Variants in SEPTIN5 observed in about 807,000 individuals in gnomAD.
SEPTIN5 encodes the protein septin 5.
A neutral mutation model predicts 51.2 loss-of-function variants in SEPTIN5; 16 were observed. The ratio of observed to expected loss-of-function variants is 0.31; its 90% CI spans 0.21 to 0.47. The LOEUF (loss-of-function observed/expected upper bound fraction) is 0.47, where lower values mean the gene tolerates loss of function less well. Ranked by LOEUF, SEPTIN5 falls within the 20% of genes least tolerant of loss-of-function variation. The pLI is 0.99. For missense variants in SEPTIN5, 376 were observed against 500.3 expected (o/e 0.75, Z 2.37); for synonymous variants, 208 against 191.2 (o/e 1.09, Z -0.72).
intron 8 of SEPTIN5, 64 bp downstream of exon 8, chr22:19,720,933 T>C (rs1364132305): frequency 7.0e-7 from 1 of 1,423,250 alleles, no homozygotes; most frequent in Non-Finnish European, 9.9e-7. Context: ...CAGAGGGCTT[T>C]GTCTCCTTCA....
Position 19,722,852 on chromosome 22 carries a change from G to A in SEPTIN5, c.*368G>A, listed in dbSNP as rs1218343959. The A allele has an allele frequency of 2.2e-6, 1 of 461,054 alleles. No individual in the cohort carries two copies. The highest frequency in any genetic ancestry group is 4.0e-6 in the Non-Finnish European group (1 of 248,498). 28.6% of individuals were successfully genotyped at this position (461,054 alleles called of 1,614,324 possible). On this transcript the variant is annotated 3_prime_UTR_variant, in exon 12 of 12. Transcript: ENST00000455784. ...GATCCTGGGTCTGTTCCCTGCCCCAGTGCTGCAGAACGGACTTGGGAGCCC... is the reference window on the plus strand; with the variant it reads ...GATCCTGGGTCTGTTCCCTGCCCCAATGCTGCAGAACGGACTTGGGAGCCC...
Position 19,717,660 on chromosome 22 carries a change from T to C in SEPTIN5, c.55-1942T>C. The C allele has an allele frequency of 7.0e-6, 2 of 285,538 alleles. 1 individual carries two copies. The highest frequency in any genetic ancestry group is 9.8e-5 in the Admixed American group (2 of 20,336). 17.7% of individuals were successfully genotyped at this position (285,538 alleles called of 1,614,324 possible). ...CCTGCACCCTTCCTTTCCCTTCCCT[T>C]CCCTTCTGTCCACCCTAAGCCTCCT... is the stretch of plus-strand genomic sequence containing the variant. On this transcript the variant is annotated intron_variant, in intron 2 of 11. Transcript: ENST00000455784.
Position 19,723,048 on chromosome 22 carries a change from C to A in SEPTIN5, c.*564C>A. Reference sequence around the variant, plus strand: ...GAGGCTGCAAGGAGCGGGGTCGTGACCGCTTACACCCCTTCTCCACAGCCC... The same window carrying A: ...GAGGCTGCAAGGAGCGGGGTCGTGAACGCTTACACCCCTTCTCCACAGCCC... On this transcript the variant is annotated 3_prime_UTR_variant, in exon 12 of 12. Coordinates refer to ENST00000455784, the MANE Select transcript of SEPTIN5 (RefSeq NM_002688.6). 2.1e-6 allele frequency: 1 copy of A among 484,646 alleles called. No individual in the cohort carries two copies. The highest frequency in any genetic ancestry group is 3.9e-6 in the Non-Finnish European group (1 of 253,310). 30.0% of individuals were successfully genotyped at this position (484,646 alleles called of 1,614,324 possible). A position where few individuals can be genotyped will look rare whatever the true frequency, so the allele number is the denominator to read the frequency against.
At chr22:19,716,789 G>A (rs558513190) in intron 2 of SEPTIN5, among the ~76,000 whole-genome samples, 4 of 152,324 alleles carry the variant, frequency 2.6e-5, no homozygotes, top group South Asian at 2.1e-4. Context: ...ACACCTCCTA[G>A]CCTGAGGCCT....
intron 2 of SEPTIN5, chr22:19,718,947 T>C (rs1276435819): frequency 1.0e-6 from 1 of 1,002,258 alleles, no homozygotes; most frequent in Admixed American, 4.3e-5. Context: ...CGCAGCGGCC[T>C]CGCAGGTCCG....
At chr22:19,719,979 C>A in intron 4 of SEPTIN5, 87 bp downstream of exon 4, 1 of 1,601,598 alleles carries the variant, frequency 6.2e-7, no homozygotes, top group Non-Finnish European at 8.5e-7. Context: ...GTCCAGCTCC[C>A]ACTGTTCTGT....
At chr22:19,719,428 C>A (rs1312746273) in intron 2 of SEPTIN5, 174 bp from the exon 3 acceptor site, 2 of 591,744 alleles carry the variant, frequency 3.4e-6, no homozygotes, top group Admixed American at 6.0e-5. Context: ...ACCTCGCCTG[C>A]CTTCTTATCT....
At chr22:19,717,954 T>A (rs1239207041) in intron 2 of SEPTIN5, 1 of 154,020 alleles carries the variant, frequency 6.5e-6, no homozygotes, top group East Asian at 2.0e-4. Context: ...ACGGGGGAGG[T>A]CAGCCCCAAG....
chr22:19,718,603 C>A (rs755443835), intron 2 of SEPTIN5: 6 of 1,290,830 alleles, frequency 4.6e-6, no homozygotes, highest in Non-Finnish European at 5.9e-6. Flanking sequence ...GGCCTCACTT[C>A]CCGCGTCCGC....
chr22:19,718,488 G>A, intron 2 of SEPTIN5: 3 of 1,205,652 alleles, frequency 2.5e-6, no homozygotes, highest in Non-Finnish European at 3.1e-6. Context: ...GGCCTGCCCG[G>A]ACTGCGACGC....
intron 2 of SEPTIN5, chr22:19,717,454 G>A (rs1273078651): frequency 4.7e-6 from 2 of 423,980 alleles, no homozygotes; most frequent in Non-Finnish European, 9.7e-6. Flanking sequence ...TGGTGAGGAT[G>A]CTCAGAGGGC....
chr22:19,719,944 G>T, intron 4 of SEPTIN5, 52 bp downstream of exon 4: 1 of 1,605,662 alleles, frequency 6.2e-7, no homozygotes. Flanking sequence ...CCTTCCATGG[G>T]ACCTCTCCAA....
At chr22:19,718,842 C>G (rs1268971529) in intron 2 of SEPTIN5, 1 of 1,235,072 alleles carries the variant, frequency 8.1e-7, no homozygotes, top group Admixed American at 4.1e-5. Flanking sequence ...GAGGGCGGAA[C>G]GTGGGTCTGT....
At position 19,723,028 on chromosome 22, in the gene SEPTIN5, T is replaced by G. The variant is rs1936081711; in HGVS notation, c.*544T>G. 1 of 462,822 alleles carries G rather than the reference T, an allele frequency of 2.2e-6. No homozygotes were observed. Among genetic ancestry groups the G allele is most frequent in the Non-Finnish European group, 4.1e-6 (1 of 243,266 alleles). The allele number at this position is 462,822 out of a possible 1,614,324, so 28.7% of individuals were successfully genotyped here. On this transcript the variant is annotated 3_prime_UTR_variant, in exon 12 of 12. Transcript: ENST00000455784. ...CTCCAGACATAAGGAGGCCAGAGGCTGCAAGGAGCGGGGTCGTGACCGCTT... is the reference window on the plus strand; with the variant it reads ...CTCCAGACATAAGGAGGCCAGAGGCGGCAAGGAGCGGGGTCGTGACCGCTT...
At position 19,720,336 on chromosome 22, in the gene SEPTIN5, G is replaced by A. The variant is rs570048514; in HGVS notation, c.379G>A (p.Asp127Asn). 9.3e-6 allele frequency: 15 copies of A among 1,613,828 alleles called. No individual in the cohort carries two copies. Among genetic ancestry groups the A allele is most frequent in the Admixed American group, 8.3e-5 (5 of 60,010 alleles). The change falls in exon 6 of 12, where the codon GAC becomes AAC. Residue 127 changes from aspartate (D) to asparagine (N), a missense_variant. Coordinates refer to ENST00000455784, the MANE Select transcript of SEPTIN5 (RefSeq NM_002688.6). ...TGCCCACAGCTGGAAGCCCATCACC[G>A]ACTATGTGGACCAGCAGTTTGAGCA... ...NNTECWKPIT[D>N]YVDQQFEQYF...
intron 2 of SEPTIN5, among the ~76,000 whole-genome samples, chr22:19,715,832 G>A (rs537169109): frequency 2.0e-4 from 31 of 152,324 alleles, no homozygotes; most frequent in Middle Eastern, 3.4e-3. Flanking sequence ...CTCTGGGAGG[G>A]GCCCCTTGGG....
chr22:19,721,829 C>T lies in SEPTIN5; in HGVS notation c.822C>T (p.Asn274=). ...LYPWGIVEVE[N]QAHCDFVKLR... ...CCCACCCCCACCCCGCAGTGGAGAA[C>T]CAGGCGCATTGCGACTTCGTGAAGC... The change falls in exon 10 of 12, where the codon AAC becomes AAT. Residue 274 remains asparagine, a synonymous_variant. Coordinates refer to ENST00000455784, the MANE Select transcript of SEPTIN5 (RefSeq NM_002688.6). The T allele has an allele frequency of 6.4e-7, 1 of 1,569,344 alleles. No homozygotes were observed. Among genetic ancestry groups the T allele is most frequent in the African/African-American group, 1.4e-5 (1 of 74,008 alleles).
At position 19,714,839 on chromosome 22, in the gene SEPTIN5, AC is replaced by A; in HGVS notation, c.54+51del. 1.9e-6 allele frequency: 3 copies of A among 1,572,872 alleles called. No individual in the cohort carries two copies. Among genetic ancestry groups the A allele is most frequent in the Non-Finnish European group, 2.6e-6 (3 of 1,167,462 alleles). ...CCGCCGGGAGACCCGGCCGGCTGTC[AC>A]CCATTGTGACACTAGCGCCTTGGGC... On this transcript the variant is annotated intron_variant, in intron 2 of 11. Coordinates refer to ENST00000455784, the MANE Select transcript of SEPTIN5 (RefSeq NM_002688.6). The surrounding 1 kb of genome is among the most constrained non-coding windows in gnomAD (Gnocchi z 5.2).
chr22:19,715,517 G>A (rs1029621522), intron 2 of SEPTIN5, among the ~76,000 whole-genome samples: 6 of 152,090 alleles, frequency 3.9e-5, no homozygotes, highest in Non-Finnish European at 8.8e-5. Context: ...TGGGGCGGGG[G>A]CTGACAACCA....
Sources: gnomAD v4.1 joint callset for allele counts (sites outside exome capture counted in the v4.1 genomes callset) on GRCh38, gnomAD v4.1.1 for gene constraint, Gnocchi (gnomAD v3.1) non-coding constraint, MANE v1.5 for transcripts, NCBI Gene and HGNC (gene_info 2026-07-23, HGNC 2026-07-21) for gene names.